The following PCDHA6 variants were observed in gnomAD, a reference collection of about 807,000 sequenced individuals.
The protein encoded by PCDHA6 is protocadherin alpha-6.
Under a neutral mutation model 60.3 loss-of-function variants are expected in PCDHA6, and 55 were observed. That is an observed-to-expected ratio of 0.91 (90% CI 0.73 to 1.14). The LOEUF (loss-of-function observed/expected upper bound fraction) is 1.14. Among genes scored for constraint, PCDHA6 ranks in the 50% most tolerant of loss-of-function variants. PCDHA6 has a pLI of 0.00. For synonymous variants in PCDHA6, 652 were observed against 557.9 expected (o/e 1.17, Z -2.38); for missense variants, 1,327 against 1,256.5 (o/e 1.06, Z -0.85).
chr5:140,984,164 A>G (rs1471799520), intron 3 of PCDHA6, among the ~76,000 whole-genome samples: 1 of 152,208 alleles, frequency 6.6e-6, no homozygotes, highest in Non-Finnish European at 1.5e-5. Context: ...GAACTTCCCA[A>G]AGAAGCCACG....
At chr5:140,848,292 C>T in intron 1 of PCDHA6, 3 of 640,268 alleles carry the variant, frequency 4.7e-6, no homozygotes, top group Non-Finnish European at 8.2e-6. Context: ...ACACTTTGGG[C>T]CACGTGATGT....
chr5:140,891,076 A>G (rs2062939819), intron 1 of PCDHA6, among the ~76,000 whole-genome samples: 1 of 152,160 alleles, frequency 6.6e-6, no homozygotes, highest in African/African-American at 2.4e-5. Flanking sequence ...TCCAGTGTCT[A>G]CTGGTTTCCA....
intron 1 of PCDHA6, among the ~76,000 whole-genome samples, chr5:140,962,962 A>G (rs1273558602): frequency 1.3e-5 from 2 of 152,194 alleles, no homozygotes; most frequent in South Asian, 2.1e-4. Flanking sequence ...CTATCCCTAT[A>G]TAGGAAATTT....
intron 1 of PCDHA6, chr5:140,853,722 A>C (rs1236467209): frequency 2.0e-6 from 2 of 988,342 alleles, no homozygotes; most frequent in African/African-American, 1.8e-5. Flanking sequence ...GCAGCACCTA[A>C]GTCCTCATTG....
intron 1 of PCDHA6, chr5:140,883,301 G>C (rs1380648584): frequency 1.2e-6 from 2 of 1,613,968 alleles, no homozygotes; most frequent in African/African-American, 1.3e-5. Flanking sequence ...AGATGTAAAT[G>C]ATAACGCCCC....
rs782153529 is a variant in PCDHA6, at chr5:140,871,456, G to T, written c.2394+40971G>T. 3.1e-6 allele frequency: 5 copies of T among 1,607,166 alleles called. No homozygotes were observed. The South Asian group carries it at 4.4e-5, about 14-fold the overall frequency. On this transcript the variant is annotated intron_variant, in intron 1 of 3. Coordinates refer to ENST00000529310, the MANE Select transcript of PCDHA6 (RefSeq NM_018909.4). ...TCTAGGTCTGAATAAAGAGGAGGAA[G>T]GGGAAAGACAGGAGCCAGGGTCAAA...
chr5:140,867,751 T>C (rs1280399942), intron 1 of PCDHA6: 2 of 152,116 alleles, frequency 1.3e-5, no homozygotes, highest in Non-Finnish European at 2.9e-5. Context: ...AGTTACAACT[T>C]CAGGCAAAGA....
intron 1 of PCDHA6, chr5:140,843,060 T>C: frequency 1.3e-6 from 2 of 1,595,188 alleles, no homozygotes; most frequent in Non-Finnish European, 1.7e-6. Context: ...GCGAGCAAGC[T>C]GGTGCCGCGG....
chr5:140,917,574 A>AT (rs2078267630), intron 1 of PCDHA6, among the ~76,000 whole-genome samples: 2 of 152,154 alleles, frequency 1.3e-5, no homozygotes, highest in Non-Finnish European at 2.9e-5. Context: ...TCTCAGGCTG[A>AT]TTTTTGTTCA....
rs1770654887 is a variant in PCDHA6, at chr5:140,829,892, T to G, written c.1801T>G (p.Ser601Ala). 1 of 1,613,924 alleles carries G rather than the reference T, an allele frequency of 6.2e-7. No individual in the cohort carries two copies. The highest frequency in any genetic ancestry group is 8.5e-7 in the Non-Finnish European group (1 of 1,179,884). Residue 601 changes from serine to alanine, a missense_variant, in exon 1 of 4, where the codon TCA (serine) becomes GCA (alanine). Ser to Ala is a moderately conservative substitution (Grantham distance 99). Coordinates refer to ENST00000529310, the MANE Select transcript of PCDHA6 (RefSeq NM_018909.4). The stretch of plus-strand genomic sequence containing the variant: ...GAAGGTGCGCGCAGTTGACGCCGAC[T>G]CAGGCTACAACGCGTGGCTTTCGTA... The part of the protein sequence containing the change: ...VAKVRAVDAD[S>A]GYNAWLSYEL...
chr5:140,874,487 G>T (rs1194886650), intron 1 of PCDHA6, among the ~76,000 whole-genome samples: 11 of 152,214 alleles, frequency 7.2e-5, no homozygotes, highest in African/African-American at 2.2e-4. Flanking sequence ...GCAAAAGGTT[G>T]ATATCAAGTT....
intron 1 of PCDHA6, among the ~76,000 whole-genome samples, chr5:140,961,654 T>G (rs1554225528): frequency 6.6e-6 from 1 of 152,194 alleles, no homozygotes; most frequent in East Asian, 1.9e-4. Context: ...TGTGGTTAGT[T>G]TGAAGTTACC....
chr5:140,950,662 C>T (rs1347125277), intron 1 of PCDHA6, among the ~76,000 whole-genome samples: 1 of 152,030 alleles, frequency 6.6e-6, no homozygotes, highest in East Asian at 1.9e-4. Flanking sequence ...CTGAGTTTAT[C>T]AAACATGTAC....
chr5:140,881,596 T>G (rs1420240994), intron 1 of PCDHA6, among the ~76,000 whole-genome samples: 1 of 152,240 alleles, frequency 6.6e-6, no homozygotes, highest in African/African-American at 2.4e-5. Flanking sequence ...GGAAATTTAT[T>G]AATATGATGT....
At chr5:140,981,537 G>A (rs375537131) in intron 2 of PCDHA6, among the ~76,000 whole-genome samples, 2 of 152,172 alleles carry the variant, frequency 1.3e-5, no homozygotes, top group East Asian at 1.9e-4. Flanking sequence ...TCGTGCCACT[G>A]TACTCCAGCC....
chr5:140,951,243 A>G (rs1192486913), intron 1 of PCDHA6, among the ~76,000 whole-genome samples: 3 of 152,172 alleles, frequency 2.0e-5, no homozygotes, highest in Non-Finnish European at 4.4e-5. Context: ...ACCTTTAGGA[A>G]TGCATCACAT....
At chr5:140,963,523 A>T (rs2095769740) in intron 1 of PCDHA6, among the ~76,000 whole-genome samples, 1 of 152,218 alleles carries the variant, frequency 6.6e-6, no homozygotes. Flanking sequence ...CTCATAACAG[A>T]AGTCCCATTT....
At chr5:140,937,821 A>G (rs1270019197) in intron 1 of PCDHA6, among the ~76,000 whole-genome samples, 2 of 151,608 alleles carry the variant, frequency 1.3e-5, no homozygotes, top group Non-Finnish European at 2.9e-5. Flanking sequence ...CTGAGGCAGG[A>G]GAATGGCATG....
At chr5:140,941,240 T>TTTC (rs2092939181) in intron 1 of PCDHA6, among the ~76,000 whole-genome samples, 2 of 141,590 alleles carry the variant, frequency 1.4e-5, no homozygotes, top group Non-Finnish European at 3.0e-5. Flanking sequence ...TCTTTCTTTC[T>TTTC]TTCTTTCTTT....
Sources: gnomAD v4.1 joint callset for allele counts (sites outside exome capture counted in the v4.1 genomes callset) on GRCh38, gnomAD v4.1.1 for gene constraint, MANE v1.5 for transcripts, NCBI Gene and HGNC (gene_info 2026-07-23, HGNC 2026-07-21) for gene names.